ANTXR1: variants seen among roughly 807,000 people sequenced by gnomAD.
ANTXR1 encodes the protein anthrax toxin receptor 1.
A neutral mutation model predicts 78.1 loss-of-function variants in ANTXR1; 19 were observed. The ratio of observed to expected loss-of-function variants is 0.24; its 90% CI spans 0.17 to 0.36. The LOEUF (loss-of-function observed/expected upper bound fraction) is 0.36. ANTXR1 is among the 10% of genes least tolerant of loss of function. The probability of loss-of-function intolerance (pLI) is 1.00; values close to 1 mark genes in which losing one functional copy is unlikely to be tolerated. For missense variants in ANTXR1, 518 were observed against 718.6 expected, an observed-to-expected ratio of 0.72 and a Z score of 3.19; for synonymous variants, 273 against 260.5, an observed-to-expected ratio of 1.05 and a Z score of -0.46.
chr2:69,205,316 TGA>T (rs2104490974), intron 17 of ANTXR1, among the ~76,000 whole-genome samples: 1 of 152,100 alleles, frequency 6.6e-6, no homozygotes, highest in African/African-American at 2.4e-5. Flanking sequence ...GGAGAAGAAC[TGA>T]GAGAGGACAC....
chr2:69,067,445 C>A (rs1294034127), intron 3 of ANTXR1, among the ~76,000 whole-genome samples: 1 of 123,348 alleles, frequency 8.1e-6, no homozygotes, highest in African/African-American at 3.0e-5. Flanking sequence ...CCCAAGAAGC[C>A]TTTTTTTTTT....
intron 3 of ANTXR1, among the ~76,000 whole-genome samples, chr2:69,063,679 A>T (rs1670311754): frequency 6.6e-6 from 1 of 152,166 alleles, no homozygotes; most frequent in South Asian, 2.1e-4. Context: ...TTGTAAAAAG[A>T]CAATTGACTA....
At chr2:69,195,133 A>G (rs1452647125) in intron 17 of ANTXR1, among the ~76,000 whole-genome samples, 1 of 150,338 alleles carries the variant, frequency 6.7e-6, no homozygotes, top group Non-Finnish European at 1.5e-5. Context: ...GCACCACTGC[A>G]CTCCAGCCTG....
intron 1 of ANTXR1, among the ~76,000 whole-genome samples, chr2:69,027,844 CAT>C (rs1287033555): frequency 1.3e-5 from 2 of 148,934 alleles, no homozygotes; most frequent in African/African-American, 5.0e-5. Context: ...ATTGTGGCAC[CAT>C]ATGACTTCAA....
intron 17 of ANTXR1, among the ~76,000 whole-genome samples, chr2:69,215,670 A>C (rs1675157175): frequency 6.6e-6 from 1 of 152,198 alleles, no homozygotes; most frequent in Non-Finnish European, 1.5e-5. Context: ...TTTGTACTCA[A>C]TATTTGCCCC....
At chr2:69,222,148 G>A (rs1675335327) in intron 17 of ANTXR1, among the ~76,000 whole-genome samples, 2 of 152,152 alleles carry the variant, frequency 1.3e-5, no homozygotes, top group African/African-American at 2.4e-5. Flanking sequence ...TCATTTGCAA[G>A]TTCACCATTG....
chr2:69,060,145 G>T (rs72827623), intron 3 of ANTXR1, among the ~76,000 whole-genome samples: 5,717 of 152,160 alleles, frequency 0.038, 132 homozygotes, highest in Middle Eastern at 0.12. Flanking sequence ...ATTCCTGTCT[G>T]CCAAGTGTGG....
intron 17 of ANTXR1, among the ~76,000 whole-genome samples, chr2:69,221,996 C>A (rs535021703): frequency 2.0e-5 from 3 of 152,118 alleles, no homozygotes; most frequent in African/African-American, 7.2e-5. Flanking sequence ...GAAAAATGTT[C>A]CAGCCCATTA....
intron 10 of ANTXR1, among the ~76,000 whole-genome samples, chr2:69,114,914 T>C (rs762689758): frequency 3.3e-5 from 5 of 152,222 alleles, no homozygotes; most frequent in African/African-American, 4.8e-5. Flanking sequence ...ATTACACCAG[T>C]ACCCTGCAGG....
chr2:69,159,659 C>G (rs1046252621), intron 13 of ANTXR1, among the ~76,000 whole-genome samples: 15 of 151,870 alleles, frequency 9.9e-5, no homozygotes, highest in African/African-American at 3.6e-4. Context: ...AATTTTTTTT[C>G]AGTATTTTGG....
chr2:69,033,791 T>C lies in ANTXR1; in HGVS notation c.153-6253T>C, dbSNP rs76652452. On this transcript the variant is annotated intron_variant, in intron 1 of 17. Coordinates refer to ENST00000303714, the MANE Select transcript of ANTXR1 (RefSeq NM_032208.3). ...TGGTGATGGTTCCAACTGCAAACTT[T>C]CTTTTTCCCTTTTATTCTATTCTAA... is the stretch of plus-strand genomic sequence containing the variant. 1.9e-3 allele frequency among the ~76,000 whole-genome samples: 286 copies of C among 152,352 alleles called. 9 individuals carry two copies. The East Asian group carries it at 0.05, about 27-fold the overall frequency.
Position 69,032,113 on chromosome 2 carries a change from T to C in ANTXR1, c.153-7931T>C, listed in dbSNP as rs536534393. On this transcript the variant is annotated intron_variant, in intron 1 of 17. Transcript: ENST00000303714. ...AATTATAGCTATTATAAAGTTATAATTGTACAAGTTATAAAGTGGAGAAAA... is the reference window on the plus strand; with the variant it reads ...AATTATAGCTATTATAAAGTTATAACTGTACAAGTTATAAAGTGGAGAAAA... Among the ~76,000 whole-genome samples the C allele has an allele frequency of 2.0e-5, 3 of 152,356 alleles. No individual in the cohort carries two copies. In the South Asian group the frequency reaches 6.2e-4, roughly 32 times the overall value.
intron 14 of ANTXR1, chr2:69,172,444 G>T: frequency 6.3e-7 from 1 of 1,590,050 alleles, no homozygotes; most frequent in South Asian, 1.1e-5. Flanking sequence ...CCCGTGCAAC[G>T]TATTTTATAC....
chr2:69,231,393 T>C (rs1675593351), intron 17 of ANTXR1, among the ~76,000 whole-genome samples: 4 of 151,980 alleles, frequency 2.6e-5, no homozygotes, highest in African/African-American at 4.8e-5. Context: ...TCGGGATCCT[T>C]CGCAGCAACT....
chr2:69,020,351 T>C (rs1671148194), intron 1 of ANTXR1, among the ~76,000 whole-genome samples: 1 of 152,192 alleles, frequency 6.6e-6, no homozygotes, highest in Non-Finnish European at 1.5e-5. Flanking sequence ...GCAAATTGGA[T>C]AGTTTGGCAT....
chr2:69,166,106 T>C (rs920818549), intron 13 of ANTXR1, among the ~76,000 whole-genome samples: 4 of 152,196 alleles, frequency 2.6e-5, no homozygotes, highest in Admixed American at 2.6e-4. Context: ...TCTTCCATCA[T>C]TACTATTTCC....
At chr2:69,037,723 G>A (rs563885904) in intron 1 of ANTXR1, among the ~76,000 whole-genome samples, 1 of 152,254 alleles carries the variant, frequency 6.6e-6, no homozygotes, top group South Asian at 2.1e-4. Flanking sequence ...ACCTGCCTTG[G>A]CCTCCCAAAG....
At chr2:69,103,774 G>C (rs57701176) in intron 10 of ANTXR1, 11,074 of 155,496 alleles carry the variant, frequency 0.071, 1,354 homozygotes, top group African/African-American at 0.25. Flanking sequence ...CATCTGCAGT[G>C]ATAACTGTCA....
chr2:69,148,001 C>G (rs765039141), intron 12 of ANTXR1, among the ~76,000 whole-genome samples: 3 of 152,106 alleles, frequency 2.0e-5, no homozygotes, highest in Non-Finnish European at 4.4e-5. Flanking sequence ...ATGACACTGC[C>G]CAGAAGAATT....
Sources: allele counts gnomAD v4.1 joint callset (sites outside exome capture counted in the v4.1 genomes callset), GRCh38; gene constraint gnomAD v4.1.1; transcripts MANE v1.5; gene names NCBI Gene and HGNC (gene_info 2026-07-23, HGNC 2026-07-21).